The following TFEC variants were observed in gnomAD, a reference collection of about 807,000 sequenced individuals.
TFEC encodes class E basic helix-loop-helix protein 34.
In TFEC, 31 loss-of-function variants were observed where a neutral mutation model predicts 41.6. The ratio of observed to expected loss-of-function variants is 0.74; its 90% CI spans 0.56 to 1.01. TFEC has a LOEUF of 1.01. Ranked by LOEUF, TFEC falls within the 50% of genes least tolerant of loss-of-function variation. The probability of loss-of-function intolerance (pLI) is 0.00; values close to 1 mark genes in which losing one functional copy is unlikely to be tolerated. For missense variants in TFEC, 402 were observed against 404.1 expected, an observed-to-expected ratio of 0.99 and a Z score of 0.04; for synonymous variants, 143 against 140.6, an observed-to-expected ratio of 1.02 and a Z score of -0.12.
intron 1 of TFEC, among the ~76,000 whole-genome samples, chr7:116,148,163 T>C (rs1051926860): frequency 1.3e-5 from 2 of 152,144 alleles, no homozygotes; most frequent in Non-Finnish European, 2.9e-5. Flanking sequence ...CAAAGCCCTG[T>C]GGTCAGAGTA....
intron 1 of TFEC, among the ~76,000 whole-genome samples, chr7:115,999,228 G>A (rs190438049): frequency 9.8e-4 from 149 of 152,014 alleles, no homozygotes; most frequent in Middle Eastern, 3.4e-3. Context: ...ATAAAAATAT[G>A]CTCCTGAATG....
intron 3 of TFEC, among the ~76,000 whole-genome samples, chr7:116,066,946 A>G (rs1796707563): frequency 6.6e-6 from 1 of 152,090 alleles, no homozygotes; most frequent in African/African-American, 2.4e-5. Context: ...ATTTCAAATG[A>G]AATATTTGGA....
chr7:116,069,443 A>T (rs1270792963), intron 3 of TFEC, among the ~76,000 whole-genome samples: 1 of 151,664 alleles, frequency 6.6e-6, no homozygotes, highest in African/African-American at 2.4e-5. Flanking sequence ...CTTTCTGCTG[A>T]TGATAAAAAT....
chr7:116,135,073 C>CCCT (rs567803889), intron 1 of TFEC, among the ~76,000 whole-genome samples: 8 of 152,048 alleles, frequency 5.3e-5, no homozygotes, highest in Admixed American at 2.6e-4. Context: ...GTCATACTAT[C>CCCT]CCTCCTTTTA....
At chr7:116,089,904 C>T (rs1797286426) in intron 3 of TFEC, among the ~76,000 whole-genome samples, 1 of 152,054 alleles carries the variant, frequency 6.6e-6, no homozygotes, top group Admixed American at 6.6e-5. Flanking sequence ...CTGGAACTTC[C>T]CTTCTGTCCA....
intron 1 of TFEC, among the ~76,000 whole-genome samples, chr7:116,112,359 G>C (rs76712638): frequency 0.025 from 3,745 of 152,024 alleles, 164 homozygotes; most frequent in African/African-American, 0.085. Flanking sequence ...CATTTTCATA[G>C]CAATTAGCAC....
intron 1 of TFEC, among the ~76,000 whole-genome samples, chr7:116,000,646 T>A (rs1458914856): frequency 1.3e-5 from 2 of 152,112 alleles, no homozygotes; most frequent in Non-Finnish European, 2.9e-5. Context: ...GATTTCAATA[T>A]ATGCCAACAG....
intron 3 of TFEC, among the ~76,000 whole-genome samples, chr7:116,036,439 T>C (rs1795911376): frequency 6.6e-6 from 1 of 152,106 alleles, no homozygotes; most frequent in Non-Finnish European, 1.5e-5. Flanking sequence ...GCTAGCTTTC[T>C]GAAACAAGCT....
chr7:116,070,436 C>G (rs1042839234), intron 3 of TFEC, among the ~76,000 whole-genome samples: 1 of 151,172 alleles, frequency 6.6e-6, no homozygotes, highest in South Asian at 2.1e-4. Flanking sequence ...ACGACTGAAC[C>G]AATAAATTAC....
At chr7:115,978,600 A>G (rs1793489212) in intron 2 of TFEC, among the ~76,000 whole-genome samples, 1 of 152,034 alleles carries the variant, frequency 6.6e-6, no homozygotes, top group South Asian at 2.1e-4. Flanking sequence ...CAATCTCTCC[A>G]CCTTCTATTA....
chr7:116,108,627 C>T (rs1797775230), intron 3 of TFEC, among the ~76,000 whole-genome samples: 1 of 152,056 alleles, frequency 6.6e-6, no homozygotes, highest in Admixed American at 6.6e-5. Flanking sequence ...TCCAATCTTG[C>T]TTCTGCCACT....
chr7:115,997,816 C>A (rs565793341), intron 1 of TFEC, among the ~76,000 whole-genome samples: 1 of 151,858 alleles, frequency 6.6e-6, no homozygotes, highest in Non-Finnish European at 1.5e-5. Context: ...TGCTGAAGAA[C>A]GCATCAGAGT....
intron 1 of TFEC, among the ~76,000 whole-genome samples, chr7:116,029,611 C>T (rs992497990): frequency 6.6e-6 from 1 of 151,654 alleles, no homozygotes; most frequent in Non-Finnish European, 1.5e-5. Flanking sequence ...TATTCTAAGA[C>T]AATATTGAAA....
At chr7:116,157,149 T>C (rs1052987679) in intron 1 of TFEC, among the ~76,000 whole-genome samples, 2 of 152,152 alleles carry the variant, frequency 1.3e-5, no homozygotes, top group African/African-American at 2.4e-5. Flanking sequence ...CCCTAAAATT[T>C]TCCTATATCT....
upstream of TFEC, among the ~76,000 whole-genome samples, chr7:116,035,348 T>C (rs539756714): frequency 3.2e-4 from 48 of 152,204 alleles, no homozygotes; most frequent in Non-Finnish European, 1.5e-4. Flanking sequence ...GTCCAGATCA[T>C]ACGTGACCTC....
intron 3 of TFEC, among the ~76,000 whole-genome samples, chr7:116,099,818 T>C (rs1443522070): frequency 2.0e-5 from 3 of 152,240 alleles, no homozygotes; most frequent in African/African-American, 7.2e-5. Flanking sequence ...TAATACAGCA[T>C]ATTATTACTA....
intron 1 of TFEC, among the ~76,000 whole-genome samples, chr7:116,005,975 A>C (rs1166800974): frequency 1.3e-5 from 2 of 152,256 alleles, no homozygotes; most frequent in Non-Finnish European, 2.9e-5. Flanking sequence ...AAGCCTTGGC[A>C]GCTTCCATGA....
rs188978400 is a variant in TFEC at position 116,061,539 on chromosome 7, G to T, written c.198+49169C>A. Among the ~76,000 whole-genome samples the T allele has an allele frequency of 4.0e-3, 614 of 152,076 alleles. 5 individuals carry two copies. The highest frequency in any genetic ancestry group is 0.014 in the African/African-American group (582 of 41,496). ...TTGGGAGAAAATCTTTGTGAATTTG[G>T]GTAAAGGCAAAGATTTCTTAGATAT... On this transcript the variant is annotated intron_variant, in intron 3 of 8. Transcript: ENST00000484212.
intron 1 of TFEC, among the ~76,000 whole-genome samples, chr7:116,125,988 C>T (rs1798201459): frequency 6.6e-6 from 1 of 152,044 alleles, no homozygotes; most frequent in African/African-American, 2.4e-5. Context: ...CACAGAGGCC[C>T]AGTAGTGAAA....
Sources: gnomAD v4.1 joint callset for allele counts (sites outside exome capture counted in the v4.1 genomes callset) on GRCh38, gnomAD v4.1.1 for gene constraint, MANE v1.5 for transcripts, NCBI Gene and HGNC (gene_info 2026-07-23, HGNC 2026-07-21) for gene names.